Variants in NPHS1 observed in about 807,000 individuals in gnomAD.
NPHS1 encodes nephrin.
NPHS1 carries 107 observed loss-of-function variants against 139.7 expected under a neutral mutation model. The observed-to-expected ratio is 0.77, with a 90% confidence interval of 0.66 to 0.90. The LOEUF (loss-of-function observed/expected upper bound fraction) is 0.90, where lower values mean the gene tolerates loss of function less well. Among genes scored for constraint, NPHS1 ranks in the 40% least tolerant of loss-of-function variants. NPHS1 has a pLI of 0.00. For missense variants in NPHS1, 1,580 were observed against 1,654.2 expected (o/e 0.96, Z 0.78); for synonymous variants, 707 against 706.6 (o/e 1.00, Z -0.01).
At chr19:35,828,807 C>G (rs928558339) in intron 28 of NPHS1, among the ~76,000 whole-genome samples, 1 of 152,306 alleles carries the variant, frequency 6.6e-6, no homozygotes, top group Non-Finnish European at 1.5e-5. Context: ...CGGCCCTGTT[C>G]GGAAAAAGCG....
chr19:35,831,065 A>G lies in NPHS1; in HGVS notation c.3469T>C (p.Ser1157Pro), dbSNP rs1372302246. 6.2e-7 allele frequency: 1 copy of G among 1,614,054 alleles called. No individual in the cohort carries two copies. The highest frequency in any genetic ancestry group is 8.5e-7 in the Non-Finnish European group (1 of 1,179,994). ...PQLPPTQEEV[S>P]YSRGFTGEDE... ...GGTCCTAACTCACCTCGGGAATAAG[A>G]CACCTCCTCCTGCGTCGGGGGCAGC... is the stretch of plus-strand genomic sequence containing the variant. The change falls in exon 27 of 29, where the codon TCT becomes CCT. Residue 1157 changes from serine to proline, a missense_variant. Ser to Pro is a moderately conservative substitution (Grantham distance 74). Coordinates refer to ENST00000378910, the MANE Select transcript of NPHS1 (RefSeq NM_004646.4).
rs1040286981 is a variant in NPHS1 at position 35,841,633 on chromosome 19, T to G, written c.2815+82A>C. On this transcript the variant is annotated intron_variant, in intron 20 of 28. Coordinates refer to ENST00000378910, the MANE Select transcript of NPHS1 (RefSeq NM_004646.4). The stretch of plus-strand genomic sequence containing the variant: ...CACAGAACTTCCGGTTTCAGAAACA[T>G]GGGCAGCCCAGGGCCAATCAGGGAT... The G allele has an allele frequency of 4.1e-5, 64 of 1,548,014 alleles. No homozygotes were observed. In the African/African-American group the frequency reaches 8.2e-4, roughly 20 times the overall value.
chr19:35,841,523 T>A (rs1973055205), intron 20 of NPHS1, among the ~76,000 whole-genome samples, 192 bp downstream of exon 20: 1 of 152,218 alleles, frequency 6.6e-6, no homozygotes, highest in Non-Finnish European at 1.5e-5. Context: ...CTTTTCTTTT[T>A]CTTTTGCCTT....
intron 5 of NPHS1, 89 bp from the exon 6 acceptor site, chr19:35,849,742 C>A: frequency 1.1e-6 from 1 of 907,058 alleles, no homozygotes; most frequent in South Asian, 1.3e-5. Context: ...CACCTCTGGT[C>A]CCCACACCTG....
Position 35,841,878 on chromosome 19 carries a change from G to T in NPHS1, c.2664-12C>A. On this transcript the variant is annotated splice_polypyrimidine_tract_variant and intron_variant, in intron 19 of 28. Coordinates refer to ENST00000378910, the MANE Select transcript of NPHS1 (RefSeq NM_004646.4). ...TGTGCTCCGTGTACCTAGAGAGAAG[G>T]TAGGGCACCACTCACCCTTCCATTC... The T allele has an allele frequency of 6.2e-7, 1 of 1,601,234 alleles. No individual in the cohort carries two copies. The highest frequency in any genetic ancestry group is 8.5e-7 in the Non-Finnish European group (1 of 1,173,610).
In NPHS1 at chr19:35,826,159, C is replaced by T; in HGVS notation, c.*355G>A. 1 of 253,140 alleles carries T rather than the reference C, an allele frequency of 4.0e-6. No homozygotes were observed. Among genetic ancestry groups the T allele is most frequent in the Non-Finnish European group, 8.0e-6 (1 of 125,304 alleles). The allele number at this position is 253,140 out of a possible 1,614,324, so 15.7% of individuals were successfully genotyped here. On this transcript the variant is annotated 3_prime_UTR_variant, in exon 29 of 29. Transcript: ENST00000378910. ...ATGGAGTTTTACCATGTTGGCCAGGCTGGTCTCGAACTCCTGACCTCAGGT... is the reference window on the plus strand; with the variant it reads ...ATGGAGTTTTACCATGTTGGCCAGGTTGGTCTCGAACTCCTGACCTCAGGT...
chr19:35,839,136 C>G, intron 22 of NPHS1, 101 bp downstream of exon 22: 1 of 1,126,078 alleles, frequency 8.9e-7, no homozygotes. Context: ...CAGCTATAGG[C>G]CTCAGTAACT....
At chr19:35,848,545 C>T in intron 9 of NPHS1, 92 bp downstream of exon 9, 2 of 1,585,046 alleles carry the variant, frequency 1.3e-6, no homozygotes, top group Middle Eastern at 3.7e-4. Flanking sequence ...GGAGAAAGCC[C>T]CCCAGGCTGC....
chr19:35,849,523 C>T (rs368826803), intron 6 of NPHS1, 27 bp downstream of exon 6: 5 of 1,603,066 alleles, frequency 3.1e-6, no homozygotes, highest in South Asian at 1.1e-5. Context: ...ATCCTCAGCG[C>T]CCTAGTTGGC....
chr19:35,845,613 A>T lies in NPHS1; in HGVS notation c.1757+56T>A. On this transcript the variant is annotated intron_variant, in intron 13 of 28. Coordinates refer to ENST00000378910, the MANE Select transcript of NPHS1 (RefSeq NM_004646.4). The surrounding 1 kb of genome is among the most constrained non-coding windows in gnomAD (Gnocchi z 5.5). ...GAGAGGCACTAGGCGGGGGCGGGAC[A>T]TGCGTGGAGGGGGCGAGGCCAGACC... is the stretch of plus-strand genomic sequence containing the variant. 6.2e-7 allele frequency: 1 copy of T among 1,606,998 alleles called. No homozygotes were observed. The highest frequency in any genetic ancestry group is 8.5e-7 in the Non-Finnish European group (1 of 1,176,292).
In NPHS1 at chr19:35,842,384, A is replaced by C; in HGVS notation, c.2501T>G (p.Val834Gly). ...GGTGTTTGGGTAATACCCACATCTG[A>C]CAACAAGACGGAGCAGCCGTCGTGC... is the stretch of plus-strand genomic sequence containing the variant. Reference protein sequence around the residue: ...PPARRLLRLVVRFAPQVEHPT... With the variant: ...PPARRLLRLVGRFAPQVEHPT... The change falls in exon 18 of 29, where the codon GTC becomes GGC. Residue 834 changes from valine (V) to glycine (G), a missense_variant. By Grantham distance (109) the Val-to-Gly change is moderately radical. Coordinates refer to ENST00000378910, the MANE Select transcript of NPHS1 (RefSeq NM_004646.4). 2 of 1,613,880 alleles carry C rather than the reference A, an allele frequency of 1.2e-6. No homozygotes were observed. Among genetic ancestry groups the C allele is most frequent in the Non-Finnish European group, 1.7e-6 (2 of 1,180,014 alleles).
In NPHS1 at chr19:35,825,493, C is replaced by T. The variant is rs536792618; in HGVS notation, c.*1021G>A. Among the ~76,000 whole-genome samples the T allele has an allele frequency of 3.9e-5, 6 of 152,276 alleles. No homozygotes were observed. The East Asian group carries it at 9.6e-4, about 24-fold the overall frequency. Reference sequence around the variant, plus strand: ...GCACCCGTGCAACCACCACCACAATCGTTATATAGAATATTTCCAACACCT... The same window carrying T: ...GCACCCGTGCAACCACCACCACAATTGTTATATAGAATATTTCCAACACCT... On this transcript the variant is annotated 3_prime_UTR_variant, in exon 29 of 29. Coordinates refer to ENST00000378910, the MANE Select transcript of NPHS1 (RefSeq NM_004646.4).
intron 11 of NPHS1, among the ~76,000 whole-genome samples, chr19:35,846,960 C>T (rs1973151186): frequency 6.6e-6 from 1 of 152,184 alleles, no homozygotes; most frequent in Admixed American, 6.5e-5. Flanking sequence ...CATTTTCTTG[C>T]CTCCAAATCC....
intron 7 of NPHS1, 27 bp from the exon 8 acceptor site, chr19:35,849,174 G>C: frequency 6.2e-7 from 1 of 1,612,430 alleles, no homozygotes; most frequent in Non-Finnish European, 8.5e-7. Flanking sequence ...GCCTGGGCCA[G>C]CTCAGGACTG....
chr19:35,830,993 C>A (rs773461720), intron 27 of NPHS1, 37 bp from the exon 28 acceptor site: 1 of 1,607,262 alleles, frequency 6.2e-7, no homozygotes, highest in Admixed American at 1.7e-5. Context: ...GATCAAGGCA[C>A]CCAGTCCAGG....
Position 35,848,323 on chromosome 19 carries a change from G to T in NPHS1, c.1245C>A (p.Leu415=), listed in dbSNP as rs183976569. ...AGGCTTCACTGAAGGCCTCACATGT[G>T]AGGGTCAGACCGTTGTCCTCCCGCC... ...LARREDNGLT[L]TCEAFSEAFT... is the part of the protein sequence containing the mutation. Residue 415 remains leucine (L), a synonymous_variant, in exon 10 of 29, where the codon CTC becomes CTA. Transcript: ENST00000378910. 7.4e-6 allele frequency: 12 copies of T among 1,614,142 alleles called. No individual in the cohort carries two copies. In the African/African-American group the frequency reaches 1.5e-4, roughly 20 times the overall value.
At position 35,839,554 on chromosome 19, in the gene NPHS1, C is replaced by G. The variant is rs114849139; in HGVS notation, c.2869G>C (p.Val957Leu). Residue 957 changes from valine to leucine, a missense_variant, in exon 21 of 29, where the codon GTG becomes CTG. By Grantham distance (32) the Val-to-Leu change is conservative (BLOSUM62 1). Transcript: ENST00000378910. The part of the protein sequence containing the change: ...LKVVSLTPHS[V>L]GLEWKPGFDG... The stretch of plus-strand genomic sequence containing the variant: ...AAGCCAGGCTTCCACTCCAGCCCCA[C>G]GGAGTGTGGGGTCAGACTCACAACC... The G allele has an allele frequency of 6.5e-4, 1,046 of 1,614,168 alleles. 13 individuals are homozygous for G. In the East Asian group the frequency reaches 0.018, roughly 27 times the overall value.
In NPHS1 at chr19:35,848,699, C is replaced by A. The variant is rs149123867; in HGVS notation, c.1108G>T (p.Val370Phe). Reference protein sequence around the residue: ...SCVSKSSRPRVLLRWWLGWRQ... With the variant: ...SCVSKSSRPRFLLRWWLGWRQ... ...CAGCCCAGCCACCATCGTAGCAGAA[C>A]CCGCGGGCGACTGGACTTGCTGACA... Residue 370 changes from valine to phenylalanine, a missense_variant, in exon 9 of 29, where the codon GTT becomes TTT. Transcript: ENST00000378910. The A allele has an allele frequency of 2.5e-6, 4 of 1,614,166 alleles. No homozygotes were observed. The highest frequency in any genetic ancestry group is 3.4e-6 in the Non-Finnish European group (4 of 1,180,038).
chr19:35,826,724 C>T, intron 28 of NPHS1, 79 bp from the exon 29 acceptor site: 1 of 1,506,144 alleles, frequency 6.6e-7, no homozygotes, highest in East Asian at 2.3e-5. Flanking sequence ...GATACATGCC[C>T]CTGCTTAACT....
Sources: allele counts gnomAD v4.1 joint callset (sites outside exome capture counted in the v4.1 genomes callset), GRCh38; gene constraint gnomAD v4.1.1; non-coding constraint Gnocchi (gnomAD v3.1); transcripts MANE v1.5; gene names NCBI Gene and HGNC (gene_info 2026-07-23, HGNC 2026-07-21).